The following BNC2 variants were observed in gnomAD, a reference collection of about 807,000 sequenced individuals.
BNC2 encodes basonuclin zinc finger protein 2, also known as zinc finger protein basonuclin-2.
Under a neutral mutation model 76.3 loss-of-function variants are expected in BNC2, and 20 were observed. That is an observed-to-expected ratio of 0.26 (90% confidence interval 0.18 to 0.38). The LOEUF (loss-of-function observed/expected upper bound fraction) is 0.38, where lower values mean the gene tolerates loss of function less well. BNC2 is among the 10% of genes least tolerant of loss of function. The pLI, the probability that BNC2 is intolerant of heterozygous loss-of-function variation, is 1.00. For missense variants in BNC2, 1,382 were observed against 1,399.8 expected, an observed-to-expected ratio of 0.99 and a Z score of 0.20; for synonymous variants, 582 against 514.8, an observed-to-expected ratio of 1.13 and a Z score of -1.77.
At chr9:16,841,450 A>T (rs1447584346) in intron 1 of BNC2, among the ~76,000 whole-genome samples, 1 of 152,224 alleles carries the variant, frequency 6.6e-6, no homozygotes, top group Non-Finnish European at 1.5e-5. Flanking sequence ...TGAGGCCATC[A>T]GAACTGTAAC....
At chr9:16,560,449 T>C (rs566916874) in intron 4 of BNC2, among the ~76,000 whole-genome samples, 11 of 152,284 alleles carry the variant, frequency 7.2e-5, no homozygotes, top group African/African-American at 1.9e-4. Context: ...TGGTGGTACA[T>C]GCCTGAAATC....
At chr9:16,780,235 C>CAAAAAAAAAAAAAAAAA (rs372583425) in intron 1 of BNC2, among the ~76,000 whole-genome samples, 2 of 66,304 alleles carry the variant, frequency 3.0e-5, no homozygotes, top group African/African-American at 6.3e-5. Flanking sequence ...GACTTCGTTT[C>CAAAAAAAAAAAAAAAAA]AAAAAAAAAA....
intron 1 of BNC2, among the ~76,000 whole-genome samples, chr9:16,849,169 A>G (rs1460339675): frequency 6.6e-6 from 1 of 151,974 alleles, no homozygotes; most frequent in African/African-American, 2.4e-5. Context: ...CAAATGTAAA[A>G]TTAGCTTTCC....
At chr9:16,539,698 GGAAGGGA>G (rs1563830852) in intron 5 of BNC2, among the ~76,000 whole-genome samples, 1,908 of 125,194 alleles carry the variant, frequency 0.015, 217 homozygotes, top group African/African-American at 0.066. Flanking sequence ...AAGGGAGAAA[GGAAGGGA>G]GGAAGGAAGG....
At chr9:16,665,386 A>AAGAG (rs55852227) in intron 3 of BNC2, among the ~76,000 whole-genome samples, 24,776 of 84,290 alleles carry the variant, frequency 0.29, 6,059 homozygotes, top group South Asian at 0.49. Context: ...AAAAAAAAAA[A>AAGAG]AGAGAGAGAG....
intron 5 of BNC2, among the ~76,000 whole-genome samples, chr9:16,441,465 C>T (rs565411789): frequency 2.6e-5 from 4 of 152,264 alleles, no homozygotes; most frequent in Admixed American, 1.3e-4. Flanking sequence ...TGACTAACCT[C>T]GTTGAAGGGA....
In BNC2 at chr9:16,436,656, G is replaced by A. The variant is rs1312658418; in HGVS notation, c.1538C>T (p.Ala513Val). 1 of 1,613,950 alleles carries A rather than the reference G, an allele frequency of 6.2e-7. No homozygotes were observed. The highest frequency in any genetic ancestry group is 1.7e-5 in the Admixed American group (1 of 59,994). Residue 513 changes from alanine to valine, a missense_variant, in exon 6 of 7, where the codon GCC becomes GTC. Ala to Val is a moderately conservative substitution (Grantham distance 64). Transcript: ENST00000380672. ...GACAGGGGTGGCAGCTCCTGAGGTG[G>A]CCCGAATTAAATCTTTATCTCGGTT... is the stretch of plus-strand genomic sequence containing the variant. ...RNNRDKDLIR[A>V]TSGAATPVIA...
intron 3 of BNC2, among the ~76,000 whole-genome samples, chr9:16,692,442 C>T (rs889337038): frequency 3.9e-5 from 6 of 152,114 alleles, no homozygotes; most frequent in Admixed American, 1.3e-4. Flanking sequence ...GTTTCCTGCA[C>T]CTGTAAAATG....
chr9:16,665,443 AAAGAAAGAAAG>A lies in BNC2; in HGVS notation c.330+62343_330+62353del, dbSNP rs1563887905. On this transcript the variant is annotated intron_variant, in intron 3 of 6. Transcript: ENST00000380672. ...AGGAAAGAAAGGAAAGAAAAGAAAG[AAAGAAAGAAAG>A]AAAGAAAGAAAGAAAGAAAGAAAGA... is the stretch of plus-strand genomic sequence containing the variant. Among the ~76,000 whole-genome samples, 218 of 95,930 alleles carry A rather than the reference AAAGAAAGAAAG, an allele frequency of 2.3e-3. 3 individuals are homozygous for A. In the East Asian group the frequency reaches 0.041, roughly 18 times the overall value. The allele number at this position is 95,930 out of a possible 152,430, so 62.9% of individuals were successfully genotyped here. A position where few individuals can be genotyped will look rare whatever the true frequency, so the allele number is the denominator to read the frequency against.
At chr9:16,803,742 G>A (rs931710765) in intron 1 of BNC2, among the ~76,000 whole-genome samples, 2 of 152,136 alleles carry the variant, frequency 1.3e-5, no homozygotes, top group African/African-American at 2.4e-5. Context: ...TATTCCCTAC[G>A]TTTCTGATGA....
rs1345765481 is a variant in BNC2 at position 16,616,954 on chromosome 9, TA to T, written c.331-33870del. 3.9e-5 allele frequency among the ~76,000 whole-genome samples: 6 copies of T among 152,298 alleles called. No individual in the cohort carries two copies. The South Asian group carries it at 1.2e-3, about 32-fold the overall frequency. The stretch of plus-strand genomic sequence containing the variant: ...TTGCCACCACTTGTGCAAGTATTAT[TA>T]CATCTTTGAGGAATCTTTAAAAAAA... On this transcript the variant is annotated intron_variant, in intron 3 of 6. Coordinates refer to ENST00000380672, the MANE Select transcript of BNC2 (RefSeq NM_017637.6).
At chr9:16,720,396 G>A (rs972697457) in intron 3 of BNC2, among the ~76,000 whole-genome samples, 2 of 152,168 alleles carry the variant, frequency 1.3e-5, no homozygotes, top group African/African-American at 4.8e-5. Flanking sequence ...AATAGGAACA[G>A]AATAACCTTG....
At chr9:16,839,675 T>C (rs535721279) in intron 1 of BNC2, among the ~76,000 whole-genome samples, 203 of 152,298 alleles carry the variant, frequency 1.3e-3, no homozygotes, top group African/African-American at 4.7e-3. Context: ...TCCAGCTCTA[T>C]AGCACGTAAT....
intron 3 of BNC2, chr9:16,704,669 A>G (rs1823609217): frequency 7.0e-6 from 1 of 142,410 alleles, no homozygotes; most frequent in Non-Finnish European, 1.5e-5. Context: ...AACCGTTATT[A>G]CAGAGAAATG....
At chr9:16,634,946 T>G (rs1376745684) in intron 3 of BNC2, among the ~76,000 whole-genome samples, 1 of 152,202 alleles carries the variant, frequency 6.6e-6, no homozygotes, top group South Asian at 2.1e-4. Context: ...TATTCCATTA[T>G]GGACATTGTA....
chr9:16,792,716 A>G (rs1047813423), intron 1 of BNC2, among the ~76,000 whole-genome samples: 2 of 152,238 alleles, frequency 1.3e-5, no homozygotes, highest in African/African-American at 4.8e-5. Flanking sequence ...CGTATTTATC[A>G]TAAGCGTATA....
chr9:16,624,162 A>G (rs531544158), intron 3 of BNC2, among the ~76,000 whole-genome samples: 5 of 152,316 alleles, frequency 3.3e-5, no homozygotes, highest in African/African-American at 1.2e-4. Context: ...ATGTCTGGGC[A>G]TGGTCTCTTC....
intron 1 of BNC2, among the ~76,000 whole-genome samples, chr9:16,797,165 A>C (rs1209767338): frequency 6.6e-6 from 1 of 152,094 alleles, no homozygotes; most frequent in African/African-American, 2.4e-5. Context: ...TTTTTACTTA[A>C]CCTTCTCTAA....
intron 1 of BNC2, among the ~76,000 whole-genome samples, chr9:16,828,987 CA>C (rs1168402392): frequency 6.9e-6 from 1 of 144,904 alleles, no homozygotes; most frequent in East Asian, 2.0e-4. Context: ...CATGTGTGAG[CA>C]GGGGGGCGGC....
Sources: allele counts gnomAD v4.1 joint callset (sites outside exome capture counted in the v4.1 genomes callset), GRCh38; gene constraint gnomAD v4.1.1; transcripts MANE v1.5; gene names NCBI Gene and HGNC (gene_info 2026-07-23, HGNC 2026-07-21).